The following RHPN2 variants were observed in gnomAD, a reference collection of about 807,000 sequenced individuals.
The protein encoded by RHPN2 is rhophilin Rho GTPase binding protein 2, also known as rhophilin-2.
RHPN2 carries 40 observed loss-of-function variants against 79.0 expected under a neutral mutation model. That is an observed-to-expected ratio of 0.51 (90% CI 0.39 to 0.66). The LOEUF (loss-of-function observed/expected upper bound fraction) is 0.66, where lower values mean the gene tolerates loss of function less well. Among genes scored for constraint, RHPN2 ranks in the 30% least tolerant of loss-of-function variants. The pLI, the probability that RHPN2 is intolerant of heterozygous loss-of-function variation, is 0.00. For missense variants in RHPN2, 686 were observed against 883.5 expected (o/e 0.78, Z 2.83); for synonymous variants, 285 against 363.5 (o/e 0.78, Z 2.46).
intron 3 of RHPN2, among the ~76,000 whole-genome samples, chr19:33,024,412 G>A (rs1040501007): frequency 6.6e-6 from 1 of 152,112 alleles, no homozygotes; most frequent in Non-Finnish European, 1.5e-5. Flanking sequence ...CAGCCTGGGT[G>A]ACAGAGAGAG....
Position 32,991,832 on chromosome 19 carries a change from G to C in RHPN2, c.1635C>G (p.Cys545Trp). 1 of 1,613,980 alleles carries C rather than the reference G, an allele frequency of 6.2e-7. No individual in the cohort carries two copies. Among genetic ancestry groups the C allele is most frequent in the Non-Finnish European group, 8.5e-7 (1 of 1,179,856 alleles). Residue 545 changes from cysteine to tryptophan, a missense_variant, in exon 13 of 15, where the codon TGC becomes TGG. Cys to Trp is a radical substitution (Grantham distance 215, BLOSUM62 -2). Coordinates refer to ENST00000254260, the MANE Select transcript of RHPN2 (RefSeq NM_033103.5). ...AAAAGCATGTGCTTACCGAGGCAGA[G>C]CAGTAAGGATCCAGGAAGTGAACCT... ...PVQVHFLDPYCSASVAGAREG... is the reference protein window; with the variant it reads ...PVQVHFLDPYWSASVAGAREG...
chr19:33,018,243 C>T (rs1341866653), intron 4 of RHPN2, among the ~76,000 whole-genome samples: 4 of 151,412 alleles, frequency 2.6e-5, no homozygotes, highest in Admixed American at 6.6e-5. Context: ...GAAGGAGAAT[C>T]GCTTGAACCC....
chr19:33,064,755 T>TGCG, intron 1 of RHPN2, 29 bp downstream of exon 1: 1 of 1,427,948 alleles, frequency 7.0e-7, no homozygotes, highest in Non-Finnish European at 9.4e-7. Context: ...AGCCCGCAGG[T>TGCG]CCCCGCCCGC....
In RHPN2 at chr19:33,021,626, A is replaced by G. The variant is rs1568318212; in HGVS notation, c.335T>C (p.Leu112Pro). 6.2e-7 allele frequency: 1 copy of G among 1,613,812 alleles called. No individual in the cohort carries two copies. Among genetic ancestry groups the G allele is most frequent in the Non-Finnish European group, 8.5e-7 (1 of 1,179,834 alleles). Residue 112 changes from leucine (L) to proline (P), a missense_variant, in exon 4 of 15, where the codon CTG becomes CCG. Leu to Pro is a moderately conservative substitution (Grantham distance 98, BLOSUM62 -3). Transcript: ENST00000254260. ...QNTEEAFTIP[L>P]IPLGLKETKD... is the part of the protein sequence containing the mutation. The stretch of plus-strand genomic sequence containing the variant: ...CGTTTCCTTCAGGCCAAGAGGAATC[A>G]GGGGAATCGTAAATGCCTCCCTATG...
chr19:33,041,565 G>A (rs1007999039), intron 2 of RHPN2, among the ~76,000 whole-genome samples: 77 of 152,260 alleles, frequency 5.1e-4, no homozygotes, highest in African/African-American at 1.8e-3. Context: ...CAATGAGCTT[G>A]AGTCAGGCTC....
chr19:33,049,342 A>AC (rs1409182846), intron 1 of RHPN2, among the ~76,000 whole-genome samples: 2 of 151,572 alleles, frequency 1.3e-5, no homozygotes, highest in Non-Finnish European at 2.9e-5. Flanking sequence ...TTCTCACCCC[A>AC]CCCCCTATCT....
intron 6 of RHPN2, among the ~76,000 whole-genome samples, chr19:33,011,156 C>T (rs1156939469): frequency 6.6e-6 from 1 of 152,118 alleles, no homozygotes; most frequent in Non-Finnish European, 1.5e-5. Context: ...CCTATAGTCC[C>T]AGCTATTCAG....
chr19:33,056,817 G>A (rs1245731669), intron 1 of RHPN2, among the ~76,000 whole-genome samples: 1 of 152,006 alleles, frequency 6.6e-6, no homozygotes, highest in Non-Finnish European at 1.5e-5. Flanking sequence ...GGCCCAAAGA[G>A]TTCGAGACCA....
chr19:32,993,598 G>T (rs1454835136), intron 12 of RHPN2, among the ~76,000 whole-genome samples: 1 of 152,030 alleles, frequency 6.6e-6, no homozygotes, highest in Non-Finnish European at 1.5e-5. Flanking sequence ...AATTTAAAAT[G>T]TATATTAAAA....
chr19:33,001,220 G>A (rs961439185), intron 9 of RHPN2, among the ~76,000 whole-genome samples: 27 of 152,132 alleles, frequency 1.8e-4, no homozygotes, highest in Admixed American at 3.3e-4. Context: ...TTGGGAGGCT[G>A]CCTGGATTAG....
chr19:33,005,607 CAAAAAA>C (rs576054331), intron 7 of RHPN2, among the ~76,000 whole-genome samples: 1 of 62,622 alleles, frequency 1.6e-5, no homozygotes. Flanking sequence ...TGTTGCTGAG[CAAAAAA>C]AAAAAAAAAA....
At chr19:33,033,581 A>G (rs1420685395) in intron 2 of RHPN2, among the ~76,000 whole-genome samples, 10 of 151,770 alleles carry the variant, frequency 6.6e-5, no homozygotes. Flanking sequence ...AATAAAAATT[A>G]AAATAGGCCG....
intron 3 of RHPN2, 94 bp downstream of exon 3, chr19:33,026,410 T>C: frequency 6.5e-7 from 1 of 1,529,266 alleles, no homozygotes; most frequent in Non-Finnish European, 8.9e-7. Context: ...CACACCCCAG[T>C]CTAGAACGCT....
chr19:33,028,416 G>A (rs7246002), intron 2 of RHPN2, among the ~76,000 whole-genome samples: 7 of 152,062 alleles, frequency 4.6e-5, no homozygotes, highest in African/African-American at 7.2e-5. Flanking sequence ...CTCAGCCTCC[G>A]AAAGTGCTGA....
chr19:33,002,552 G>A (rs182027131), intron 8 of RHPN2, 149 bp from the exon 9 acceptor site: 34 of 993,316 alleles, frequency 3.4e-5, no homozygotes, highest in Admixed American at 3.4e-4. Flanking sequence ...GAGACCCCTC[G>A]TTCTGTCATT....
chr19:33,046,091 C>CCATTCAT (rs61259305), intron 1 of RHPN2, among the ~76,000 whole-genome samples: 52,548 of 151,486 alleles, frequency 0.35, 10,714 homozygotes, highest in African/African-American at 0.56. Context: ...TGTACTTTAT[C>CCATTCAT]CATTCATCAT....
intron 1 of RHPN2, among the ~76,000 whole-genome samples, chr19:33,063,678 G>T (rs1209341194): frequency 6.6e-5 from 10 of 152,160 alleles, no homozygotes; most frequent in Non-Finnish European, 1.2e-4. Flanking sequence ...AGGCCCTGCC[G>T]CCTGCGGGTA....
At chr19:33,045,019 C>T (rs1450357242) in intron 1 of RHPN2, among the ~76,000 whole-genome samples, 2 of 151,946 alleles carry the variant, frequency 1.3e-5, no homozygotes, top group South Asian at 2.1e-4. Context: ...CCCTTGTGAC[C>T]GCTTTCCCCC....
rs539203151 is a variant in RHPN2 at position 33,064,877 on chromosome 19, G to C, written c.-25C>G. On this transcript the variant is annotated 5_prime_UTR_variant, in exon 1 of 15. Transcript: ENST00000254260. ...TGCTAGCGGCGCGGGCGCGGAGGGC[G>C]GACGGCGGACTGAGGCGCGGCGGCT... 96 of 1,494,066 alleles carry C rather than the reference G, an allele frequency of 6.4e-5. No homozygotes were observed. In the African/African-American group the frequency reaches 1.2e-3, roughly 19 times the overall value. 92.6% of individuals were successfully genotyped at this position (1,494,066 alleles called of 1,614,324 possible). A position where few individuals can be genotyped will look rare whatever the true frequency, so the allele number is the denominator to read the frequency against.
Sources: gnomAD v4.1 joint callset for allele counts (sites outside exome capture counted in the v4.1 genomes callset) on GRCh38, gnomAD v4.1.1 for gene constraint, MANE v1.5 for transcripts, NCBI Gene and HGNC (gene_info 2026-07-23, HGNC 2026-07-21) for gene names.